The following FAT3 variants were observed in gnomAD, a reference collection of about 807,000 sequenced individuals.
The protein encoded by FAT3 is protocadherin Fat 3.
In FAT3, 95 loss-of-function variants were observed where a neutral mutation model predicts 310.2. The ratio of observed to expected loss-of-function variants is 0.31; its 90% confidence interval spans 0.26 to 0.36. The LOEUF is 0.36. FAT3 is among the 10% of genes least tolerant of loss of function. The pLI, the probability that FAT3 is intolerant of heterozygous loss-of-function variation, is 1.00. For synonymous variants in FAT3, 2,314 were observed against 2,192.9 expected (o/e 1.06, Z -1.54); for missense variants, 5,408 against 5,715.6 (o/e 0.95, Z 1.74).
intron 2 of FAT3, among the ~76,000 whole-genome samples, chr11:92,466,676 C>T (rs1488596078): frequency 1.3e-5 from 2 of 150,592 alleles, no homozygotes; most frequent in Admixed American, 6.6e-5. Context: ...TGGTGTGCTG[C>T]ACCCATTAAC....
In FAT3 at chr11:92,806,595, T is replaced by C. The variant is rs1032989334; in HGVS notation, c.9247+80T>C. The C allele has an allele frequency of 8.3e-5, 102 of 1,230,092 alleles. 1 individual carries two copies. In the East Asian group the frequency reaches 2.5e-3, roughly 30 times the overall value. The allele number at this position is 1,230,092 out of a possible 1,614,324, so 76.2% of individuals were successfully genotyped here. A position where few individuals can be genotyped will look rare whatever the true frequency, so the allele number is the denominator to read the frequency against. Reference sequence around the variant, plus strand: ...TAAACTTATGTGGTCTCATCACTAGTAAATAGTTAGTAGTATACTTACTCT... The same window carrying C: ...TAAACTTATGTGGTCTCATCACTAGCAAATAGTTAGTAGTATACTTACTCT... On this transcript the variant is annotated intron_variant, in intron 12 of 27. Transcript: ENST00000525166.
At chr11:92,339,303 G>A (rs759038276) in intron 1 of FAT3, among the ~76,000 whole-genome samples, 1 of 152,124 alleles carries the variant, frequency 6.6e-6, no homozygotes, top group Non-Finnish European at 1.5e-5. Context: ...AATGTCCCAT[G>A]GGGGTCAAAA....
chr11:92,369,126 AAG>A (rs1036181653), intron 2 of FAT3, among the ~76,000 whole-genome samples: 1 of 152,172 alleles, frequency 6.6e-6, no homozygotes, highest in Admixed American at 6.5e-5. Context: ...ATCAAGGGGA[AAG>A]AGAATAGAAA....
intron 3 of FAT3, among the ~76,000 whole-genome samples, chr11:92,654,326 C>T (rs1942495836): frequency 3.9e-5 from 6 of 152,116 alleles, no homozygotes; most frequent in Admixed American, 3.3e-4. Context: ...CAAAATGGAC[C>T]TCTTGCCTAT....
chr11:92,521,228 C>T (rs1441809120), intron 2 of FAT3, among the ~76,000 whole-genome samples: 1 of 152,118 alleles, frequency 6.6e-6, no homozygotes, highest in Non-Finnish European at 1.5e-5. Flanking sequence ...AACTGAAAAA[C>T]TTCCTTGATT....
chr11:92,366,969 G>A, intron 2 of FAT3: 6 of 526,032 alleles, frequency 1.1e-5, no homozygotes, highest in Non-Finnish European at 2.3e-5. Flanking sequence ...ACTCTGGTCA[G>A]ACACCCATAG....
intron 1 of FAT3, among the ~76,000 whole-genome samples, chr11:92,346,363 G>A (rs1948420405): frequency 6.6e-6 from 1 of 152,120 alleles, no homozygotes; most frequent in African/African-American, 2.4e-5. Flanking sequence ...AGCTTTTGGA[G>A]TTTGAAAGTG....
chr11:92,570,833 G>A (rs1360460334), intron 3 of FAT3, among the ~76,000 whole-genome samples: 1 of 151,970 alleles, frequency 6.6e-6, no homozygotes, highest in Non-Finnish European at 1.5e-5. Flanking sequence ...AGTAGCTTGT[G>A]GAACTAAACT....
chr11:92,705,435 GA>G (rs1216539084), intron 4 of FAT3, among the ~76,000 whole-genome samples: 6 of 142,940 alleles, frequency 4.2e-5, no homozygotes, highest in African/African-American at 1.5e-4. Context: ...TGGTGGTGGT[GA>G]TGGTGGTGGT....
At chr11:92,689,392 C>T (rs939987318) in intron 3 of FAT3, among the ~76,000 whole-genome samples, 1 of 152,190 alleles carries the variant, frequency 6.6e-6, no homozygotes, top group Non-Finnish European at 1.5e-5. Context: ...CACATCTAAG[C>T]ATGCACATCA....
At chr11:92,402,701 C>T (rs1950045056) in intron 2 of FAT3, among the ~76,000 whole-genome samples, 1 of 149,894 alleles carries the variant, frequency 6.7e-6, no homozygotes, top group Non-Finnish European at 1.5e-5. Flanking sequence ...CACAGCGCTC[C>T]AGCATAGGTG....
intron 3 of FAT3, among the ~76,000 whole-genome samples, chr11:92,618,899 C>T (rs1360864653): frequency 1.3e-5 from 2 of 152,034 alleles, no homozygotes; most frequent in African/African-American, 4.8e-5. Flanking sequence ...GCAGCAAGAG[C>T]ATACACCCTT....
intron 1 of FAT3, among the ~76,000 whole-genome samples, chr11:92,339,562 G>A (rs929358677): frequency 2.0e-5 from 3 of 152,192 alleles, no homozygotes; most frequent in Non-Finnish European, 2.9e-5. Context: ...ATAATAGTAA[G>A]TATTGCAAAT....
chr11:92,594,080 A>G (rs1207362163), intron 3 of FAT3, among the ~76,000 whole-genome samples: 1 of 152,130 alleles, frequency 6.6e-6, no homozygotes, highest in East Asian at 1.9e-4. Context: ...CAGAGTCAGG[A>G]CTTAAGGGGC....
At chr11:92,602,758 G>T (rs1211130130) in intron 3 of FAT3, among the ~76,000 whole-genome samples, 1 of 152,180 alleles carries the variant, frequency 6.6e-6, no homozygotes, top group Non-Finnish European at 1.5e-5. Context: ...CCTGAAAGTG[G>T]CTGCTTCATT....
chr11:92,875,026 A>G (rs1423968756), intron 22 of FAT3, among the ~76,000 whole-genome samples: 1 of 152,106 alleles, frequency 6.6e-6, no homozygotes, highest in Non-Finnish European at 1.5e-5. Context: ...AATAATCATT[A>G]TTGATATTTT....
intron 3 of FAT3, among the ~76,000 whole-genome samples, chr11:92,539,581 A>G (rs1179689627): frequency 6.6e-6 from 1 of 152,190 alleles, no homozygotes; most frequent in Non-Finnish European, 1.5e-5. Flanking sequence ...GGCCTAAAGA[A>G]CGAACAGGCT....
chr11:92,738,401 A>G (rs1945412074), intron 4 of FAT3, among the ~76,000 whole-genome samples: 1 of 152,198 alleles, frequency 6.6e-6, no homozygotes. Context: ...ACTTTTGCAC[A>G]CAGCCTACAT....
intron 2 of FAT3, among the ~76,000 whole-genome samples, chr11:92,428,961 C>G (rs111896785): frequency 0.017 from 2,557 of 152,256 alleles, 87 homozygotes; most frequent in African/African-American, 0.058. Context: ...GTTGATCTGT[C>G]TAATAATGAC....
Sources: gnomAD v4.1 joint callset for allele counts (sites outside exome capture counted in the v4.1 genomes callset) on GRCh38, gnomAD v4.1.1 for gene constraint, MANE v1.5 for transcripts, NCBI Gene and HGNC (gene_info 2026-07-23, HGNC 2026-07-21) for gene names.